Variants in ALK observed in about 807,000 individuals in gnomAD.
ALK encodes the protein ALK tyrosine kinase receptor.
Under a neutral mutation model 163.1 loss-of-function variants are expected in ALK, and 74 were observed. The ratio of observed to expected loss-of-function variants is 0.45; its 90% confidence interval spans 0.38 to 0.55. ALK has a LOEUF of 0.55. ALK is among the 20% of genes least tolerant of loss of function. ALK has a pLI of 0.00. For missense variants in ALK, 2,063 were observed against 2,105.3 expected (o/e 0.98, Z 0.39); for synonymous variants, 960 against 843.2 (o/e 1.14, Z -2.40).
At position 29,691,561 on chromosome 2, in the gene ALK, G is replaced by C. The variant is rs535301699; in HGVS notation, c.952+3289C>G. 5.9e-5 allele frequency among the ~76,000 whole-genome samples: 9 copies of C among 152,244 alleles called. No homozygotes were observed. The South Asian group carries it at 6.2e-4, about 11-fold the overall frequency. On this transcript the variant is annotated intron_variant, in intron 3 of 28. Coordinates refer to ENST00000389048, the MANE Select transcript of ALK (RefSeq NM_004304.5). ...ATATTCCAATCCTGATTCATCTAAT[G>C]GGAAAGTTTCACATTCAGTGTGTGC...
chr2:29,859,928 G>C (rs1370313672), intron 1 of ALK, among the ~76,000 whole-genome samples: 1 of 152,162 alleles, frequency 6.6e-6, no homozygotes, highest in Non-Finnish European at 1.5e-5. Flanking sequence ...AAGGGTGTTA[G>C]TAGAGCCTTG....
At chr2:29,492,487 C>T (rs1223634441) in intron 4 of ALK, among the ~76,000 whole-genome samples, 3 of 152,106 alleles carry the variant, frequency 2.0e-5, no homozygotes, top group Non-Finnish European at 4.4e-5. Flanking sequence ...GAATCAGGGC[C>T]TAAAGGGTAG....
intron 1 of ALK, among the ~76,000 whole-genome samples, chr2:29,913,549 C>T (rs768359187): frequency 6.6e-5 from 10 of 152,182 alleles, no homozygotes; most frequent in Non-Finnish European, 1.2e-4. Context: ...GCTCTCTCCA[C>T]ATGATCCTAG....
chr2:29,466,332 C>A (rs1370879753), intron 4 of ALK, among the ~76,000 whole-genome samples: 7 of 152,114 alleles, frequency 4.6e-5, no homozygotes, highest in Non-Finnish European at 8.8e-5. Context: ...CACATACACA[C>A]ACACACTAAC....
intron 4 of ALK, among the ~76,000 whole-genome samples, chr2:29,475,430 C>T (rs1671490641): frequency 6.6e-6 from 1 of 152,138 alleles, no homozygotes; most frequent in Admixed American, 6.5e-5. Flanking sequence ...TGGCAGAATC[C>T]GCCTCTCCCG....
chr2:29,778,024 C>T (rs920754807), intron 1 of ALK, among the ~76,000 whole-genome samples: 4 of 152,222 alleles, frequency 2.6e-5, no homozygotes, highest in South Asian at 2.1e-4. Flanking sequence ...GACACCTCAG[C>T]TCCAGGTAGG....
intron 5 of ALK, among the ~76,000 whole-genome samples, chr2:29,331,761 C>T (rs1015817899): frequency 1.3e-5 from 2 of 152,132 alleles, no homozygotes; most frequent in African/African-American, 4.8e-5. Flanking sequence ...TTGTAACAAC[C>T]AGGACAGGGA....
At chr2:29,563,584 T>C (rs748027925) in intron 3 of ALK, among the ~76,000 whole-genome samples, 2 of 152,144 alleles carry the variant, frequency 1.3e-5, no homozygotes, top group Non-Finnish European at 2.9e-5. Context: ...TTTTGTAACA[T>C]ACAAACCAAG....
At chr2:29,694,714 A>G in intron 3 of ALK, 136 bp downstream of exon 3, 2 of 1,183,782 alleles carry the variant, frequency 1.7e-6, no homozygotes, top group Non-Finnish European at 2.5e-6. Flanking sequence ...GAAGCCATGG[A>G]AAGTCACAGA....
chr2:29,596,383 G>A (rs997377411), intron 3 of ALK, among the ~76,000 whole-genome samples: 1 of 152,152 alleles, frequency 6.6e-6, no homozygotes, highest in African/African-American at 2.4e-5. Flanking sequence ...CATCCTAAAT[G>A]TGTTGCTGCC....
chr2:29,197,147 G>C (rs1365906513), intron 27 of ALK, among the ~76,000 whole-genome samples: 1 of 152,156 alleles, frequency 6.6e-6, no homozygotes, highest in South Asian at 2.1e-4. Flanking sequence ...TCCCATCCAC[G>C]TTGCTTGTGG....
At chr2:29,628,396 AT>A (rs1012513571) in intron 3 of ALK, among the ~76,000 whole-genome samples, 8 of 152,120 alleles carry the variant, frequency 5.3e-5, no homozygotes, top group Non-Finnish European at 1.0e-4. Flanking sequence ...ACTCTACTGC[AT>A]TTTTTTCTTA....
intron 4 of ALK, among the ~76,000 whole-genome samples, chr2:29,443,746 G>A (rs1434110902): frequency 6.6e-6 from 1 of 152,120 alleles, no homozygotes; most frequent in Non-Finnish European, 1.5e-5. Context: ...TGGAGCTCAG[G>A]GCCCATTTAG....
intron 1 of ALK, among the ~76,000 whole-genome samples, chr2:29,846,318 C>T (rs985421386): frequency 2.0e-5 from 3 of 152,190 alleles, no homozygotes; most frequent in African/African-American, 7.2e-5. Context: ...AACTCAACAG[C>T]ACCCCTCCCC....
At chr2:29,740,057 A>C (rs896575616) in intron 1 of ALK, among the ~76,000 whole-genome samples, 1 of 152,138 alleles carries the variant, frequency 6.6e-6, no homozygotes, top group African/African-American at 2.4e-5. Flanking sequence ...TTGAATGCCT[A>C]CACCATACAT....
rs1364287272 is a variant in ALK at position 29,635,502 on chromosome 2, G to C, written c.952+59348C>G. 2.6e-5 allele frequency among the ~76,000 whole-genome samples: 4 copies of C among 152,216 alleles called. No homozygotes were observed. The East Asian group carries it at 7.7e-4, about 29-fold the overall frequency. ...GGATGTCAGCAGCTACCAGAAGCTG[G>C]AAGAGGCAAGGAAAGAATTCTCCCC... is the stretch of plus-strand genomic sequence containing the variant. On this transcript the variant is annotated intron_variant, in intron 3 of 28. Coordinates refer to ENST00000389048, the MANE Select transcript of ALK (RefSeq NM_004304.5).
intron 2 of ALK, 94 bp downstream of exon 2, chr2:29,717,484 C>T (rs1337588560): frequency 1.4e-6 from 2 of 1,477,610 alleles, no homozygotes; most frequent in African/African-American, 2.8e-5. Flanking sequence ...GAGGGAATGC[C>T]CTGGAGCACT....
chr2:29,806,159 G>A (rs1664606690), intron 1 of ALK, among the ~76,000 whole-genome samples: 1 of 152,124 alleles, frequency 6.6e-6, no homozygotes, highest in South Asian at 2.1e-4. Flanking sequence ...CATATGGAAA[G>A]GCCTGAATCC....
At chr2:29,297,198 T>C in intron 8 of ALK, 141 bp from the exon 9 acceptor site, 3 of 855,510 alleles carry the variant, frequency 3.5e-6, no homozygotes, top group Non-Finnish European at 5.7e-6. Flanking sequence ...GCCCACCACC[T>C]GTCTCACCAA....
Sources: allele counts gnomAD v4.1 joint callset (sites outside exome capture counted in the v4.1 genomes callset), GRCh38; gene constraint gnomAD v4.1.1; transcripts MANE v1.5; gene names NCBI Gene and HGNC (gene_info 2026-07-23, HGNC 2026-07-21).